Variants in NEMP2 observed in about 807,000 individuals in gnomAD.
NEMP2 encodes the protein UPF0571 transmembrane protein.
In NEMP2, 53 loss-of-function variants were observed where a neutral mutation model predicts 54.2. That is an observed-to-expected ratio of 0.98 (90% CI 0.78 to 1.23). The LOEUF is 1.23. Among genes scored for constraint, NEMP2 ranks in the 50% most tolerant of loss-of-function variants. The pLI is 0.00. For synonymous variants in NEMP2, 197 were observed against 190.3 expected, an observed-to-expected ratio of 1.04 and a Z score of -0.29; for missense variants, 455 against 511.3, an observed-to-expected ratio of 0.89 and a Z score of 1.06.
the NEMP2 span, among the ~76,000 whole-genome samples, chr2:190,635,926 G>T: frequency 6.6e-6 from 1 of 152,224 alleles, no homozygotes; most frequent in Non-Finnish European, 1.5e-5. This position sits in a 1 kb window ranked among gnomAD's most constrained non-coding sequence, Gnocchi z 4.1. Context: ...GAGTGCAGGG[G>T]CATGATTATA....
the NEMP2 span, chr2:190,436,005 A>T: frequency 6.3e-7 from 1 of 1,580,900 alleles, no homozygotes; most frequent in Non-Finnish European, 8.6e-7. This position sits in a 1 kb window ranked among gnomAD's most constrained non-coding sequence, Gnocchi z 5.3. Context: ...GAAGTTTGTA[A>T]ACTTGCTGAT....
Position 190,522,484 on chromosome 2 carries a change from T to C in NEMP2, c.213+2779A>G, listed in dbSNP as rs564407838. On this transcript the variant is annotated intron_variant, in intron 2 of 8. Coordinates refer to ENST00000409150, the MANE Select transcript of NEMP2 (RefSeq NM_001142645.2). The surrounding 1 kb of genome is among the most constrained non-coding windows in gnomAD (Gnocchi z 5.0). Reference sequence around the variant, plus strand: ...CAAAACTTGTAAACCAAAAATAAAATTCTAACACCCCCGACCCCGCCAACT... The same window carrying C: ...CAAAACTTGTAAACCAAAAATAAAACTCTAACACCCCCGACCCCGCCAACT... Among the ~76,000 whole-genome samples, 221 of 152,140 alleles carry C rather than the reference T, an allele frequency of 1.5e-3. 1 individual carries two copies. Among genetic ancestry groups the C allele is most frequent in the Non-Finnish European group, 2.6e-3 (178 of 68,004 alleles).
the NEMP2 span, among the ~76,000 whole-genome samples, chr2:190,465,785 G>A: frequency 6.6e-6 from 1 of 152,070 alleles, no homozygotes; most frequent in Non-Finnish European, 1.5e-5. The surrounding 1 kb of genome is among the most constrained non-coding windows in gnomAD (Gnocchi z 4.6). Flanking sequence ...TTTAGGTTTG[G>A]AGTTCAAGAC....
chr2:190,491,500 C>G, the NEMP2 span, among the ~76,000 whole-genome samples: 3 of 152,166 alleles, frequency 2.0e-5, no homozygotes, highest in East Asian at 5.8e-4. The surrounding 1 kb of genome is among the most constrained non-coding windows in gnomAD (Gnocchi z 4.2). Context: ...TGCAGACAAC[C>G]CCAGTACCAG....
the NEMP2 span, among the ~76,000 whole-genome samples, chr2:190,466,495 T>C: frequency 6.6e-6 from 1 of 152,236 alleles, no homozygotes; most frequent in Non-Finnish European, 1.5e-5. Context: ...ATGCGAATGC[T>C]CTTGTCTTTT....
upstream of NEMP2, chr2:190,535,791 G>A (rs1691356787): frequency 6.6e-6 from 1 of 152,170 alleles, no homozygotes; most frequent in Admixed American, 6.5e-5. Context: ...TCAGAGGGAT[G>A]GTTTTTAAAA....
the NEMP2 span, among the ~76,000 whole-genome samples, chr2:190,569,738 A>AT: frequency 6.6e-6 from 1 of 152,244 alleles, no homozygotes; most frequent in Non-Finnish European, 1.5e-5. Flanking sequence ...TAATTAAGTC[A>AT]TTTTTTAAAA....
the NEMP2 span, among the ~76,000 whole-genome samples, chr2:190,564,252 C>T: frequency 6.6e-6 from 1 of 152,018 alleles, no homozygotes; most frequent in Non-Finnish European, 1.5e-5. The surrounding 1 kb of genome is among the most constrained non-coding windows in gnomAD (Gnocchi z 4.2). Flanking sequence ...TTATTTTTTG[C>T]TTTTTAAATA....
chr2:190,488,790 GA>G, the NEMP2 span: 1 of 1,593,602 alleles, frequency 6.3e-7, no homozygotes, highest in Non-Finnish European at 8.5e-7. This position sits in a 1 kb window ranked among gnomAD's most constrained non-coding sequence, Gnocchi z 6.4. Flanking sequence ...GTGGTGCCAT[GA>G]TCGGAGGCGT....
At chr2:190,551,243 G>A in the NEMP2 span, among the ~76,000 whole-genome samples, 54 of 151,642 alleles carry the variant, frequency 3.6e-4, no homozygotes, top group South Asian at 0.011. Flanking sequence ...TTAAATATTT[G>A]TTTTGTCCCC....
the NEMP2 span, among the ~76,000 whole-genome samples, chr2:190,440,049 C>T: frequency 6.6e-6 from 1 of 152,148 alleles, no homozygotes; most frequent in East Asian, 1.9e-4. Context: ...TGTAGGATCA[C>T]AGAAGTAGAT....
In NEMP2 at chr2:190,514,348, T is replaced by A. The variant is rs1690473753; in HGVS notation, c.953+105A>T. ...TCTTGCTCAGAATGAAATCTCCAGA[T>A]CAAATGTAATTATGAGATTAACATG... On this transcript the variant is annotated intron_variant, in intron 7 of 8. Transcript: ENST00000409150. This position sits in a 1 kb window ranked among gnomAD's most constrained non-coding sequence, Gnocchi z 5.7. The A allele has an allele frequency of 4.5e-6, 5 of 1,110,598 alleles. No homozygotes were observed. Among genetic ancestry groups the A allele is most frequent in the Non-Finnish European group, 6.6e-6 (5 of 762,294 alleles). 68.8% of individuals were successfully genotyped at this position (1,110,598 alleles called of 1,614,324 possible).
At chr2:190,552,368 T>C in the NEMP2 span, among the ~76,000 whole-genome samples, 1 of 152,202 alleles carries the variant, frequency 6.6e-6, no homozygotes, top group Non-Finnish European at 1.5e-5. Flanking sequence ...TGTTTTTATG[T>C]TGAGATTTGG....
the NEMP2 span, among the ~76,000 whole-genome samples, chr2:190,563,255 G>C: frequency 1.3e-5 from 2 of 151,908 alleles, no homozygotes; most frequent in Non-Finnish European, 1.5e-5. The surrounding 1 kb of genome is among the most constrained non-coding windows in gnomAD (Gnocchi z 4.3). Flanking sequence ...CTGACTCAGC[G>C]GCCCAGCCTC....
chr2:190,475,612 A>T, the NEMP2 span, among the ~76,000 whole-genome samples: 2 of 152,248 alleles, frequency 1.3e-5, no homozygotes, highest in Admixed American at 1.3e-4. Flanking sequence ...GGAAGAATCA[A>T]TATCGTGAAA....
the NEMP2 span, among the ~76,000 whole-genome samples, chr2:190,562,292 G>A: frequency 6.6e-6 from 1 of 152,176 alleles, no homozygotes; most frequent in Non-Finnish European, 1.5e-5. This position sits in a 1 kb window ranked among gnomAD's most constrained non-coding sequence, Gnocchi z 5.0. Flanking sequence ...TACACAGTGA[G>A]CTAAGTGTTC....
Position 190,505,738 on chromosome 2 carries a change from G to A in NEMP2, c.*3451C>T, listed in dbSNP as rs960339207. The A allele has an allele frequency of 1.3e-5, 2 of 152,186 alleles. No individual in the cohort carries two copies. Among genetic ancestry groups the A allele is most frequent in the Admixed American group, 1.3e-4 (2 of 15,282 alleles). 9.4% of individuals were successfully genotyped at this position (152,186 alleles called of 1,614,324 possible). ...CTGAGTAAAAATATGCCCATCAGAG[G>A]GGGTGGGATGTTTGTCAATAATGAA... is the stretch of plus-strand genomic sequence containing the variant. On this transcript the variant is annotated 3_prime_UTR_variant, in exon 9 of 9. Coordinates refer to ENST00000409150, the MANE Select transcript of NEMP2 (RefSeq NM_001142645.2). The surrounding 1 kb of genome is among the most constrained non-coding windows in gnomAD (Gnocchi z 5.8).
At chr2:190,627,560 T>G in the NEMP2 span, among the ~76,000 whole-genome samples, 2 of 151,408 alleles carry the variant, frequency 1.3e-5, no homozygotes, top group Non-Finnish European at 2.9e-5. This position sits in a 1 kb window ranked among gnomAD's most constrained non-coding sequence, Gnocchi z 4.4. Flanking sequence ...CATCAACACT[T>G]ACTTCATTGT....
downstream of NEMP2, chr2:190,500,290 GC>G: frequency 6.6e-7 from 1 of 1,504,232 alleles, no homozygotes; most frequent in Non-Finnish European, 9.2e-7. This position sits in a 1 kb window ranked among gnomAD's most constrained non-coding sequence, Gnocchi z 5.3. Context: ...AGGCCCCCCA[GC>G]CAGGATATGC....
Sources: allele counts gnomAD v4.1 joint callset (sites outside exome capture counted in the v4.1 genomes callset), GRCh38; gene constraint gnomAD v4.1.1; non-coding constraint Gnocchi (gnomAD v3.1); transcripts MANE v1.5; gene names NCBI Gene and HGNC (gene_info 2026-07-23, HGNC 2026-07-21).